CIT: variants seen among roughly 807,000 people sequenced by gnomAD.
CIT encodes citron rho-interacting serine/threonine kinase.
In CIT, 79 loss-of-function variants were observed where a neutral mutation model predicts 272.7. That is an observed-to-expected ratio of 0.29 (90% CI 0.24 to 0.35). The LOEUF (loss-of-function observed/expected upper bound fraction) is 0.35. Ranked by LOEUF, CIT falls within the 10% of genes least tolerant of loss-of-function variation. The pLI is 1.00. For missense variants in CIT, 1,909 were observed against 2,618.3 expected (o/e 0.73, Z 5.91); for synonymous variants, 948 against 995.6 (o/e 0.95, Z 0.90).
chr12:119,845,132 C>G (rs927313616), intron 5 of CIT, among the ~76,000 whole-genome samples: 1 of 150,830 alleles, frequency 6.6e-6, no homozygotes, highest in Non-Finnish European at 1.5e-5. Flanking sequence ...AAAAAATAAA[C>G]CAAAAAACAA....
In CIT at chr12:119,758,652, C is replaced by T; in HGVS notation, c.2470G>A (p.Val824Met). ...SKIRSLEQRI[V>M]ELSEANKLAA... ...AGTTTATTGGCTTCAGACAGTTCCA[C>T]AATCCTCTGTTCCAGGGATCTGATC... The change falls in exon 21 of 48, where the codon GTG (valine) becomes ATG (methionine). Residue 824 changes from valine (V) to methionine (M), a missense_variant. Val to Met is a conservative substitution (Grantham distance 21, BLOSUM62 1). This residue lies in a region of CIT where 530 missense variants were observed against 822.4 expected (regional missense o/e 0.64). Transcript: ENST00000392521. 6.2e-7 allele frequency: 1 copy of T among 1,614,010 alleles called. No homozygotes were observed. Among genetic ancestry groups the T allele is most frequent in the Non-Finnish European group, 8.5e-7 (1 of 1,179,852 alleles).
At chr12:119,819,336 C>T (rs528863667) in intron 9 of CIT, among the ~76,000 whole-genome samples, 1 of 152,236 alleles carries the variant, frequency 6.6e-6, no homozygotes, top group African/African-American at 2.4e-5. Flanking sequence ...CTGCCTGCAG[C>T]AACCCCAAGA....
chr12:119,689,546 C>T lies in CIT; in HGVS notation c.6186+605G>A, dbSNP rs1223616062. ...GGTACGCACAGAATATCTCTAGAAA[C>T]TGCTACCACTTGCCTCTGGAGAAGG... On this transcript the variant is annotated intron_variant, in intron 47 of 47. Transcript: ENST00000392521. Among the ~76,000 whole-genome samples the T allele has an allele frequency of 2.0e-5, 3 of 152,144 alleles. No individual in the cohort carries two copies. The East Asian group carries it at 5.8e-4, about 29-fold the overall frequency.
chr12:119,702,031 T>C, intron 41 of CIT, 73 bp from the exon 42 acceptor site: 8 of 1,113,114 alleles, frequency 7.2e-6, no homozygotes, highest in Non-Finnish European at 1.1e-5. Context: ...CTGTTCTGCT[T>C]CTGCCTACAG....
At chr12:119,783,696 T>G in intron 12 of CIT, 1 of 491,250 alleles carries the variant, frequency 2.0e-6, no homozygotes, top group Non-Finnish European at 3.5e-6. Flanking sequence ...TACCTGCACT[T>G]TCTGCTGGAA....
intron 9 of CIT, among the ~76,000 whole-genome samples, chr12:119,818,873 G>A (rs936510247): frequency 2.0e-5 from 3 of 152,126 alleles, no homozygotes; most frequent in East Asian, 1.9e-4. Flanking sequence ...ACGATGCCTC[G>A]GGGGAAGATA....
At chr12:119,722,661 G>A (rs913772762) in intron 28 of CIT, among the ~76,000 whole-genome samples, 3 of 152,170 alleles carry the variant, frequency 2.0e-5, no homozygotes, top group Non-Finnish European at 2.9e-5. Context: ...GTTAAAATCT[G>A]TATTTATCAC....
At position 119,710,423 on chromosome 12, in the gene CIT, C is replaced by A. The variant is rs1386913724; in HGVS notation, c.4936-37G>T. 1 of 1,613,654 alleles carries A rather than the reference C, an allele frequency of 6.2e-7. No individual in the cohort carries two copies. ...GAAGTCCGAAGGCAGAACATAAGCA[C>A]GGTCACGTCACCAGAACAATCTCTA... On this transcript the variant is annotated intron_variant, in intron 38 of 47. Coordinates refer to ENST00000392521, the MANE Select transcript of CIT (RefSeq NM_001206999.2). The surrounding 1 kb of genome is among the most constrained non-coding windows in gnomAD (Gnocchi z 5.6).
rs771155127 is a variant in CIT at position 119,700,793 on chromosome 12, G to C, written c.5575C>G (p.Arg1859Gly). Residue 1859 changes from arginine (R) to glycine (G), a missense_variant, in exon 44 of 48, where the codon CGT becomes GGT. By Grantham distance (125) the Arg-to-Gly change is moderately radical. Transcript: ENST00000392521. Reference protein sequence around the residue: ...FGVFVDSYGRRSRTDDLKWSR... With the variant: ...FGVFVDSYGRGSRTDDLKWSR... ...CACTTGAGATCGTCTGTGCGGCTAC[G>C]TCTTCCGTAAGAATCCACGAACACT... 2 of 1,613,868 alleles carry C rather than the reference G, an allele frequency of 1.2e-6. No homozygotes were observed. The highest frequency in any genetic ancestry group is 2.7e-5 in the African/African-American group (2 of 74,892).
intron 10 of CIT, among the ~76,000 whole-genome samples, chr12:119,789,743 C>T (rs4767844): frequency 0.44 from 66,533 of 151,940 alleles, 15,187 homozygotes; most frequent in Admixed American, 0.56. Flanking sequence ...AGTCTCACTC[C>T]GTCACCAGGC....
chr12:119,703,245 A>G (rs1264867029), intron 41 of CIT, among the ~76,000 whole-genome samples: 1 of 152,150 alleles, frequency 6.6e-6, no homozygotes, highest in African/African-American at 2.4e-5. Context: ...AAAATTGGGA[A>G]TAACTGTCTC....
intron 12 of CIT, chr12:119,782,985 T>A: frequency 5.8e-6 from 1 of 171,716 alleles, no homozygotes; most frequent in Non-Finnish European, 1.2e-5. Flanking sequence ...AGCTACAAAG[T>A]GTTTTCTACA....
chr12:119,764,607 CAAA>C (rs747882945), intron 19 of CIT, among the ~76,000 whole-genome samples: 7 of 59,598 alleles, frequency 1.2e-4, no homozygotes, highest in Non-Finnish European at 1.1e-4. Context: ...GATCCTGTCT[CAAA>C]AAAAAAAAAA....
At chr12:119,766,012 G>A (rs904960540) in intron 19 of CIT, among the ~76,000 whole-genome samples, 1 of 152,138 alleles carries the variant, frequency 6.6e-6, no homozygotes, top group African/African-American at 2.4e-5. Flanking sequence ...CGGATGAATG[G>A]ATAAAGAAAA....
chr12:119,795,342 G>A (rs1167128201), intron 10 of CIT, among the ~76,000 whole-genome samples: 1 of 152,156 alleles, frequency 6.6e-6, no homozygotes, highest in South Asian at 2.1e-4. Flanking sequence ...AGCTGAGATT[G>A]TGTCACCGTA....
chr12:119,781,046 T>C (rs1420409071), intron 13 of CIT, among the ~76,000 whole-genome samples: 1 of 152,230 alleles, frequency 6.6e-6, no homozygotes. Context: ...TTCCCCAGGA[T>C]GTCACCAAAA....
At chr12:119,724,144 A>G (rs149715732) in intron 28 of CIT, among the ~76,000 whole-genome samples, 2 of 152,010 alleles carry the variant, frequency 1.3e-5, no homozygotes, top group African/African-American at 4.8e-5. Context: ...AATAAAAGAG[A>G]AGGCAATTTG....
chr12:119,789,045 T>G (rs1430724570), intron 10 of CIT, among the ~76,000 whole-genome samples: 1 of 152,174 alleles, frequency 6.6e-6, no homozygotes, highest in Non-Finnish European at 1.5e-5. Context: ...ACACCTTCCC[T>G]GGTCCTCAAT....
chr12:119,824,108 G>GTATATATATA (rs59234933), intron 8 of CIT, among the ~76,000 whole-genome samples: 7 of 125,514 alleles, frequency 5.6e-5, no homozygotes, highest in East Asian at 4.8e-4. Context: ...TAGTTTTACT[G>GTATATATATA]TATATATATA....
Sources: gnomAD v4.1 joint callset for allele counts (sites outside exome capture counted in the v4.1 genomes callset) on GRCh38, gnomAD v4.1.1 for gene constraint, gnomAD v4.1.1 regional missense constraint, Gnocchi (gnomAD v3.1) non-coding constraint, MANE v1.5 for transcripts, NCBI Gene and HGNC (gene_info 2026-07-23, HGNC 2026-07-21) for gene names.